The following VPS37A variants were observed in gnomAD, a reference collection of about 807,000 sequenced individuals.
VPS37A encodes vacuolar protein sorting-associated protein 37A.
Under a neutral mutation model 49.8 loss-of-function variants are expected in VPS37A, and 30 were observed. The observed-to-expected ratio is 0.60, with a 90% CI of 0.45 to 0.82. The LOEUF (loss-of-function observed/expected upper bound fraction) is 0.82, where lower values mean the gene tolerates loss of function less well. Ranked by LOEUF, VPS37A falls within the 40% of genes least tolerant of loss-of-function variation. The pLI, the probability that VPS37A is intolerant of heterozygous loss-of-function variation, is 0.00. For synonymous variants in VPS37A, 195 were observed against 160.6 expected, an observed-to-expected ratio of 1.21 and a Z score of -1.62; for missense variants, 593 against 464.4, an observed-to-expected ratio of 1.28 and a Z score of -2.55.
At position 17,296,247 on chromosome 8, in the gene VPS37A, G is replaced by C. The variant is rs545280612; in HGVS notation, c.*1261G>C. 1 of 152,124 alleles carries C rather than the reference G, an allele frequency of 6.6e-6. No individual in the cohort carries two copies. Among genetic ancestry groups the C allele is most frequent in the African/African-American group, 2.4e-5 (1 of 41,410 alleles). 9.4% of individuals were successfully genotyped at this position (152,124 alleles called of 1,614,324 possible). ...TTAAAACATGCTTAATATTTAGTCTGTTTGTGGAGGGCAGGTATTCACGTG... is the reference window on the plus strand; with the variant it reads ...TTAAAACATGCTTAATATTTAGTCTCTTTGTGGAGGGCAGGTATTCACGTG... On this transcript the variant is annotated 3_prime_UTR_variant, in exon 12 of 12. Coordinates refer to ENST00000324849, the MANE Select transcript of VPS37A (RefSeq NM_152415.3).
chr8:17,304,450 C>T (rs1275627948), downstream of VPS37A: 2 of 1,614,098 alleles, frequency 1.2e-6, no homozygotes, highest in East Asian at 2.2e-5. Flanking sequence ...CAGCTCTAAA[C>T]AGAGGATTCA....
Position 17,295,399 on chromosome 8 carries a change from C to T in VPS37A, c.*413C>T, listed in dbSNP as rs570738837. On this transcript the variant is annotated 3_prime_UTR_variant, in exon 12 of 12. Transcript: ENST00000324849. ...TTTCCTCTTAACCTTTTTTCAAAAA[C>T]TATTTTCAACTGTGAGGAAACCCTT... is the stretch of plus-strand genomic sequence containing the variant. The T allele has an allele frequency of 6.6e-6, 1 of 152,380 alleles. No individual in the cohort carries two copies. Among genetic ancestry groups the T allele is most frequent in the African/African-American group, 2.4e-5 (1 of 41,396 alleles). The allele number at this position is 152,380 out of a possible 1,614,324, so 9.4% of individuals were successfully genotyped here. A position where few individuals can be genotyped will look rare whatever the true frequency, so the allele number is the denominator to read the frequency against.
rs79532075 is a variant in VPS37A, at chr8:17,285,588, C to T, written c.1114-759C>T. On this transcript the variant is annotated intron_variant, in intron 10 of 11. Transcript: ENST00000324849. ...AACATCTGTGAGACATACACACACACATACACACACTCCTGTTAAGGCAGA... is the reference window on the plus strand; with the variant it reads ...AACATCTGTGAGACATACACACACATATACACACACTCCTGTTAAGGCAGA... Among the ~76,000 whole-genome samples, 342 of 152,296 alleles carry T rather than the reference C, an allele frequency of 2.2e-3. 4 individuals are homozygous for T. The East Asian group carries it at 0.032, about 14-fold the overall frequency.
chr8:17,266,935 G>C (rs1258374411), intron 2 of VPS37A, among the ~76,000 whole-genome samples: 1 of 151,954 alleles, frequency 6.6e-6, no homozygotes, highest in Non-Finnish European at 1.5e-5. Flanking sequence ...ACCATGCCCG[G>C]CTAATTTTTG....
At chr8:17,283,205 G>T (rs983578476) in intron 9 of VPS37A, among the ~76,000 whole-genome samples, 5 of 152,090 alleles carry the variant, frequency 3.3e-5, no homozygotes, top group African/African-American at 9.7e-5. Context: ...ACCCAGGCTG[G>T]AGTGCAGTGC....
At chr8:17,294,530 A>C (rs572996693) in intron 11 of VPS37A, among the ~76,000 whole-genome samples, 1 of 152,258 alleles carries the variant, frequency 6.6e-6, no homozygotes, top group South Asian at 2.1e-4. Flanking sequence ...TGTCTGGCCA[A>C]ACGGCCACCT....
At chr8:17,330,501 G>T in the VPS37A span, among the ~76,000 whole-genome samples, 1 of 152,264 alleles carries the variant, frequency 6.6e-6, no homozygotes, top group Non-Finnish European at 1.5e-5. Flanking sequence ...AGCTGGTTTT[G>T]CTTGAAATGC....
At chr8:17,266,042 CTTAG>C (rs1483009271) in intron 2 of VPS37A, 61 bp downstream of exon 2, 6 of 1,440,452 alleles carry the variant, frequency 4.2e-6, no homozygotes, top group Non-Finnish European at 5.7e-6. Flanking sequence ...TTTATTGTTT[CTTAG>C]TTATTAGAAA....
Position 17,274,813 on chromosome 8 carries a change from C to A in VPS37A, c.497C>A (p.Ala166Glu). The A allele has an allele frequency of 6.2e-7, 1 of 1,614,174 alleles. No homozygotes were observed. Among genetic ancestry groups the A allele is most frequent in the Non-Finnish European group, 8.5e-7 (1 of 1,180,016 alleles). Residue 166 changes from alanine (A) to glutamate (E), a missense_variant, in exon 5 of 12, where the codon GCA (alanine) becomes GAA (glutamate). Coordinates refer to ENST00000324849, the MANE Select transcript of VPS37A (RefSeq NM_152415.3). ...PFLPPYPPQE[A>E]NRSITSLSVA... Reference sequence around the variant, plus strand: ...CTTCCTCCATATCCTCCACAAGAAGCAAACAGGAGTATCACTTCTTTATCT... The same window carrying A: ...CTTCCTCCATATCCTCCACAAGAAGAAAACAGGAGTATCACTTCTTTATCT...
At chr8:17,289,836 C>T (rs1466526369) in intron 11 of VPS37A, among the ~76,000 whole-genome samples, 1 of 152,174 alleles carries the variant, frequency 6.6e-6, no homozygotes, top group Non-Finnish European at 1.5e-5. Flanking sequence ...TATCCATGAG[C>T]ATGGAATGTT....
At chr8:17,320,489 C>G in the VPS37A span, among the ~76,000 whole-genome samples, 1 of 152,012 alleles carries the variant, frequency 6.6e-6, no homozygotes, top group African/African-American at 2.4e-5. Context: ...CAGGAGCATT[C>G]TGAGAGGCAG....
At chr8:17,283,041 A>G (rs186185937) in intron 9 of VPS37A, among the ~76,000 whole-genome samples, 2 of 152,362 alleles carry the variant, frequency 1.3e-5, no homozygotes, top group African/African-American at 2.4e-5. Context: ...CAAATAAAAC[A>G]TCCATGTGAG....
chr8:17,255,301 T>C lies in VPS37A; in HGVS notation c.125+7932T>C, dbSNP rs529842969. ...TTCGAGACCAGCCTGGCCAACATGG[T>C]GAAACCCTGTCTCTACTAAAAATAT... On this transcript the variant is annotated intron_variant, in intron 1 of 11. Transcript: ENST00000324849. 1.6e-3 allele frequency among the ~76,000 whole-genome samples: 238 copies of C among 152,094 alleles called. 2 individuals carry two copies. Among genetic ancestry groups the C allele is most frequent in the Non-Finnish European group, 1.9e-3 (132 of 67,992 alleles).
At chr8:17,249,972 A>G (rs187416308) in intron 1 of VPS37A, among the ~76,000 whole-genome samples, 22 of 152,278 alleles carry the variant, frequency 1.4e-4, no homozygotes, top group African/African-American at 5.1e-4. Context: ...GGGGAAACCC[A>G]CCAAGGCCTG....
intron 3 of VPS37A, 82 bp from the exon 4 acceptor site, chr8:17,268,774 T>C (rs942621858): frequency 2.2e-6 from 2 of 923,888 alleles, no homozygotes; most frequent in Admixed American, 5.1e-5. Context: ...AGTAAGTTAA[T>C]ATTTAGAGTG....
At chr8:17,318,046 C>T in the VPS37A span, among the ~76,000 whole-genome samples, 4 of 151,968 alleles carry the variant, frequency 2.6e-5, no homozygotes, top group Admixed American at 2.6e-4. Flanking sequence ...ACTGAGACTC[C>T]CTACATCAAA....
At chr8:17,280,948 C>T (rs1368049186) in intron 9 of VPS37A, among the ~76,000 whole-genome samples, 2 of 151,596 alleles carry the variant, frequency 1.3e-5, no homozygotes, top group African/African-American at 4.8e-5. Context: ...GAAAAGGAAC[C>T]AGAGGACATA....
chr8:17,254,923 T>G (rs549711889), intron 1 of VPS37A, among the ~76,000 whole-genome samples: 7 of 152,300 alleles, frequency 4.6e-5, no homozygotes, highest in Admixed American at 4.6e-4. Flanking sequence ...TCTAAGCACT[T>G]GAATCTTTTA....
At chr8:17,255,490 A>ATG (rs1417543673) in intron 1 of VPS37A, among the ~76,000 whole-genome samples, 20 of 132,378 alleles carry the variant, frequency 1.5e-4, no homozygotes, top group African/African-American at 6.1e-4. Context: ...TTAAATATAT[A>ATG]TATGTGTGTG....
Sources: allele counts gnomAD v4.1 joint callset (sites outside exome capture counted in the v4.1 genomes callset), GRCh38; gene constraint gnomAD v4.1.1; transcripts MANE v1.5; gene names NCBI Gene and HGNC (gene_info 2026-07-23, HGNC 2026-07-21).